KIF6: variants seen among roughly 807,000 people sequenced by gnomAD.
The protein encoded by KIF6 is kinesin-like protein KIF6.
Under a neutral mutation model 112.7 loss-of-function variants are expected in KIF6, and 106 were observed. The ratio of observed to expected loss-of-function variants is 0.94; its 90% CI spans 0.80 to 1.11. The LOEUF is 1.11. KIF6 is among the 50% of genes least tolerant of loss of function. The pLI is 0.00. For missense variants in KIF6, 929 were observed against 964.0 expected (o/e 0.96, Z 0.48); for synonymous variants, 339 against 339.9 (o/e 1.00, Z 0.03).
chr6:39,605,760 C>T (rs1782850751), intron 6 of KIF6, among the ~76,000 whole-genome samples: 1 of 152,058 alleles, frequency 6.6e-6, no homozygotes, highest in Admixed American at 6.6e-5. Context: ...GTAGGCATAA[C>T]AACCTATTTT....
At chr6:39,367,768 C>T (rs9394586) in intron 16 of KIF6, among the ~76,000 whole-genome samples, 61,699 of 151,946 alleles carry the variant, frequency 0.41, 14,692 homozygotes, top group Non-Finnish European at 0.52. Flanking sequence ...TTCCCCATGC[C>T]CTCCTCTCAA....
At position 39,567,503 on chromosome 6, in the gene KIF6, C is replaced by T. The variant is rs562456196; in HGVS notation, c.1181+10553G>A. On this transcript the variant is annotated intron_variant, in intron 10 of 22. Coordinates refer to ENST00000287152, the MANE Select transcript of KIF6 (RefSeq NM_145027.6). ...TAAACAGTTTAGAAAATAGTTGTCA[C>T]AAAATTCTGAGTATTTCCAGTAATT... 3.9e-5 allele frequency among the ~76,000 whole-genome samples: 6 copies of T among 152,208 alleles called. 1 individual carries two copies. The East Asian group carries it at 7.7e-4, about 20-fold the overall frequency.
At chr6:39,486,359 T>C (rs1217189740) in intron 13 of KIF6, among the ~76,000 whole-genome samples, 4 of 152,096 alleles carry the variant, frequency 2.6e-5, no homozygotes, top group African/African-American at 9.7e-5. Flanking sequence ...GGTTTCCAGT[T>C]GTCCCTTCTA....
At chr6:39,536,838 C>G (rs1279788791) in intron 13 of KIF6, among the ~76,000 whole-genome samples, 2 of 152,186 alleles carry the variant, frequency 1.3e-5, no homozygotes, top group African/African-American at 4.8e-5. Flanking sequence ...CAAAACGAAT[C>G]CAGCAGCACA....
rs556354074 is a variant in KIF6 at position 39,654,132 on chromosome 6, T to C, written c.252-14375A>G. Among the ~76,000 whole-genome samples the C allele has an allele frequency of 3.0e-3, 451 of 152,242 alleles. 3 individuals carry two copies. The highest frequency in any genetic ancestry group is 9.9e-3 in the African/African-American group (411 of 41,542). On this transcript the variant is annotated intron_variant, in intron 3 of 22. Coordinates refer to ENST00000287152, the MANE Select transcript of KIF6 (RefSeq NM_145027.6). ...GTAACGAGAGGCTAATAACATTTAA[T>C]GTGATTGAGATGAACAGGTGGGGAA...
At chr6:39,360,181 C>T (rs1255117482) in intron 18 of KIF6, among the ~76,000 whole-genome samples, 1 of 152,164 alleles carries the variant, frequency 6.6e-6, no homozygotes, top group African/African-American at 2.4e-5. Context: ...CTAATTTTTC[C>T]ATTAATCAGG....
At chr6:39,430,070 A>G (rs542755147) in intron 14 of KIF6, among the ~76,000 whole-genome samples, 1 of 152,238 alleles carries the variant, frequency 6.6e-6, no homozygotes, top group South Asian at 2.1e-4. Flanking sequence ...CGCATCTGAC[A>G]CTACTGACAG....
intron 5 of KIF6, among the ~76,000 whole-genome samples, chr6:39,617,309 A>T (rs1210098065): frequency 6.6e-6 from 1 of 152,120 alleles, no homozygotes; most frequent in Non-Finnish European, 1.5e-5. Flanking sequence ...TTTTTAACTG[A>T]CTGAAGCACA....
intron 3 of KIF6, among the ~76,000 whole-genome samples, chr6:39,645,386 T>C (rs972917458): frequency 8.5e-5 from 13 of 152,112 alleles, no homozygotes; most frequent in Non-Finnish European, 1.5e-4. Context: ...TTTGTTTAAC[T>C]AGGCTCCAAG....
At chr6:39,579,752 C>T (rs1475365129) in intron 9 of KIF6, among the ~76,000 whole-genome samples, 1 of 151,720 alleles carries the variant, frequency 6.6e-6, no homozygotes, top group Non-Finnish European at 1.5e-5. Flanking sequence ...AAATAGGGAT[C>T]AAATTTTAAT....
chr6:39,561,727 T>C (rs1191945001), intron 10 of KIF6, among the ~76,000 whole-genome samples: 1 of 152,138 alleles, frequency 6.6e-6, no homozygotes, highest in African/African-American at 2.4e-5. Flanking sequence ...ACATGATGCT[T>C]TGGAGGCTGA....
chr6:39,610,601 T>C (rs1420396855), intron 6 of KIF6, among the ~76,000 whole-genome samples: 1 of 152,244 alleles, frequency 6.6e-6, no homozygotes, highest in Non-Finnish European at 1.5e-5. Flanking sequence ...CATGCTTTTT[T>C]AGAAGACTGT....
intron 9 of KIF6, among the ~76,000 whole-genome samples, chr6:39,580,637 A>C (rs1336700846): frequency 6.6e-6 from 1 of 152,330 alleles, no homozygotes. Flanking sequence ...ATGAAATAAT[A>C]TAATTTCTTT....
At chr6:39,613,435 A>G (rs1245245018) in intron 5 of KIF6, 117 bp from the exon 6 acceptor site, 2 of 601,740 alleles carry the variant, frequency 3.3e-6, no homozygotes, top group South Asian at 4.0e-5. Flanking sequence ...ATAAAAGCAA[A>G]TAACACACAA....
chr6:39,714,999 CT>C (rs1376739803), intron 2 of KIF6: 2 of 368,328 alleles, frequency 5.4e-6, no homozygotes, highest in African/African-American at 4.2e-5. Context: ...ATAAATCCCT[CT>C]GAAAAACTGC....
At chr6:39,497,213 C>T (rs1363766335) in intron 13 of KIF6, among the ~76,000 whole-genome samples, 2 of 152,246 alleles carry the variant, frequency 1.3e-5, no homozygotes, top group African/African-American at 4.8e-5. Flanking sequence ...CCAACATAAA[C>T]ACCCAGCATT....
In KIF6 at chr6:39,676,062, G is replaced by GAAA. The variant is rs3048078; in HGVS notation, c.252-36308_252-36306dup. Among the ~76,000 whole-genome samples, 1,317 of 145,642 alleles carry GAAA rather than the reference G, an allele frequency of 9.0e-3. 35 individuals are homozygous for GAAA. The highest frequency in any genetic ancestry group is 0.038 in the East Asian group (190 of 5,046). On this transcript the variant is annotated intron_variant, in intron 3 of 22. Transcript: ENST00000287152. The stretch of plus-strand genomic sequence containing the variant: ...CAGAGAATGGAGGAAAGGAAATATG[G>GAAA]AAAAAAAAAAAAGACTAGCTGAGAA...
At chr6:39,666,088 C>A (rs1038129403) in intron 3 of KIF6, among the ~76,000 whole-genome samples, 2 of 152,198 alleles carry the variant, frequency 1.3e-5, no homozygotes, top group African/African-American at 4.8e-5. Flanking sequence ...GAATGTCATA[C>A]AGGCAAATCA....
chr6:39,569,930 A>G (rs1369738725), intron 10 of KIF6, among the ~76,000 whole-genome samples: 9 of 152,226 alleles, frequency 5.9e-5, no homozygotes. Flanking sequence ...AAAAATGAAT[A>G]CAGGTATAAA....
Sources: allele counts gnomAD v4.1 joint callset (sites outside exome capture counted in the v4.1 genomes callset), GRCh38; gene constraint gnomAD v4.1.1; transcripts MANE v1.5; gene names NCBI Gene and HGNC (gene_info 2026-07-23, HGNC 2026-07-21).